DOCK4: variants seen among roughly 807,000 people sequenced by gnomAD.
DOCK4 encodes the protein dedicator of cytokinesis 4.
Under a neutral mutation model 268.1 loss-of-function variants are expected in DOCK4, and 97 were observed. That is an observed-to-expected ratio of 0.36 (90% CI 0.31 to 0.43). DOCK4 has a LOEUF of 0.43. Ranked by LOEUF, DOCK4 falls within the 20% of genes least tolerant of loss-of-function variation. The probability of loss-of-function intolerance (pLI) is 1.00; values close to 1 mark genes in which losing one functional copy is unlikely to be tolerated. For missense variants in DOCK4, 2,145 were observed against 2,455.7 expected, an observed-to-expected ratio of 0.87 and a Z score of 2.67; for synonymous variants, 954 against 887.2, an observed-to-expected ratio of 1.08 and a Z score of -1.34.
intron 16 of DOCK4, among the ~76,000 whole-genome samples, chr7:111,886,361 C>T (rs1374645650): frequency 2.6e-5 from 4 of 152,140 alleles, no homozygotes; most frequent in Admixed American, 6.6e-5. Context: ...ATTTGTCAGC[C>T]TTCCAGTTTA....
At chr7:111,737,728 C>T (rs184985737) in intron 49 of DOCK4, among the ~76,000 whole-genome samples, 209 of 152,250 alleles carry the variant, frequency 1.4e-3, no homozygotes, top group Non-Finnish European at 2.2e-3. Flanking sequence ...TATACTGCTT[C>T]CAATTTTACT....
chr7:111,772,964 A>G (rs1304520215), intron 36 of DOCK4, among the ~76,000 whole-genome samples: 1 of 152,218 alleles, frequency 6.6e-6, no homozygotes, highest in Non-Finnish European at 1.5e-5. Flanking sequence ...CTGGCAGGCA[A>G]TCAGATGAAA....
At chr7:112,009,528 C>G (rs1424564725) in intron 1 of DOCK4, among the ~76,000 whole-genome samples, 1 of 152,120 alleles carries the variant, frequency 6.6e-6, no homozygotes, top group Non-Finnish European at 1.5e-5. Context: ...TAGCAGTGTC[C>G]ATCAGAAGGC....
chr7:111,862,106 C>CT (rs1231010664), intron 23 of DOCK4, among the ~76,000 whole-genome samples: 1 of 152,022 alleles, frequency 6.6e-6, no homozygotes, highest in Non-Finnish European at 1.5e-5. Context: ...CGACAGCAGC[C>CT]TGAACAACAT....
chr7:112,193,681 G>A (rs1820171625), intron 1 of DOCK4, among the ~76,000 whole-genome samples: 1 of 151,686 alleles, frequency 6.6e-6, no homozygotes, highest in African/African-American at 2.4e-5. Context: ...AAATCACAGA[G>A]AGAGCCAACA....
At chr7:112,189,888 G>A (rs994794873) in intron 1 of DOCK4, among the ~76,000 whole-genome samples, 1 of 151,694 alleles carries the variant, frequency 6.6e-6, no homozygotes, top group Non-Finnish European at 1.5e-5. Flanking sequence ...GGCTTTCTGG[G>A]TTTTTTCAAT....
chr7:112,128,521 G>T lies in DOCK4; in HGVS notation c.37+77581C>A, dbSNP rs559878204. On this transcript the variant is annotated intron_variant, in intron 1 of 52. Transcript: ENST00000428084. ...GATTGAGAAATCGGATGGTTGCCGTGTCTGTGTAGAAAGAAGTAGACATGG... is the reference window on the plus strand; with the variant it reads ...GATTGAGAAATCGGATGGTTGCCGTTTCTGTGTAGAAAGAAGTAGACATGG... Among the ~76,000 whole-genome samples the T allele has an allele frequency of 1.3e-3, 196 of 152,358 alleles. 1 individual carries two copies. The highest frequency in any genetic ancestry group is 4.3e-3 in the African/African-American group (178 of 41,590).
At chr7:111,957,699 C>A (rs2134946187) in intron 8 of DOCK4, among the ~76,000 whole-genome samples, 1 of 152,138 alleles carries the variant, frequency 6.6e-6, no homozygotes, top group South Asian at 2.1e-4. Context: ...ATGATGTGTT[C>A]CCAGTGTCCA....
rs114818626 is a variant in DOCK4 at position 111,903,832 on chromosome 7, C to T, written c.1193-2031G>A. Among the ~76,000 whole-genome samples, 272 of 152,254 alleles carry T rather than the reference C, an allele frequency of 1.8e-3. 2 individuals are homozygous for T. The highest frequency in any genetic ancestry group is 6.4e-3 in the African/African-American group (266 of 41,536). ...TAGAGCAAAATATATTGGCTAAAAA[C>T]AGCAGAATTCTTTTGCTTCTTGGAG... On this transcript the variant is annotated intron_variant, in intron 13 of 52. Coordinates refer to ENST00000428084, the MANE Select transcript of DOCK4 (RefSeq NM_001363540.2).
intron 35 of DOCK4, 49 bp from the exon 36 acceptor site, chr7:111,778,418 A>G (rs756527160): frequency 6.5e-6 from 8 of 1,231,392 alleles, no homozygotes; most frequent in Non-Finnish European, 8.3e-6. Flanking sequence ...AATCTGGCCT[A>G]CAATTATCTG....
intron 30 of DOCK4, among the ~76,000 whole-genome samples, chr7:111,806,475 T>C (rs1800685398): frequency 6.6e-6 from 1 of 152,198 alleles, no homozygotes; most frequent in Non-Finnish European, 1.5e-5. Flanking sequence ...TGGGAAATAA[T>C]GCAGCAACCA....
At chr7:112,099,423 C>T (rs1486924578) in intron 1 of DOCK4, among the ~76,000 whole-genome samples, 1 of 151,978 alleles carries the variant, frequency 6.6e-6, no homozygotes, top group Non-Finnish European at 1.5e-5. Flanking sequence ...TCCTTATTCT[C>T]TTTAACAGAA....
chr7:112,163,994 C>T (rs1176128304), intron 1 of DOCK4, among the ~76,000 whole-genome samples: 1 of 152,200 alleles, frequency 6.6e-6, no homozygotes, highest in Non-Finnish European at 1.5e-5. Flanking sequence ...CACACAGACC[C>T]TATCTTGGCC....
At chr7:112,076,667 G>C (rs1490973182) in intron 1 of DOCK4, among the ~76,000 whole-genome samples, 3 of 152,076 alleles carry the variant, frequency 2.0e-5, no homozygotes, top group Non-Finnish European at 4.4e-5. Flanking sequence ...TTACAAATGA[G>C]TCCTAAATTC....
At chr7:111,802,748 T>C (rs1342607115) in intron 30 of DOCK4, among the ~76,000 whole-genome samples, 2 of 152,220 alleles carry the variant, frequency 1.3e-5, no homozygotes, top group Non-Finnish European at 1.5e-5. Flanking sequence ...CTTTTTAATA[T>C]GAAAAATTTC....
chr7:112,011,251 G>T (rs952299456), intron 1 of DOCK4, among the ~76,000 whole-genome samples: 1 of 152,104 alleles, frequency 6.6e-6, no homozygotes, highest in Non-Finnish European at 1.5e-5. Flanking sequence ...TTCCTTCCTC[G>T]TCACTGCACT....
At chr7:111,782,975 AAC>A (rs1798884282) in intron 34 of DOCK4, 51 bp from the exon 35 acceptor site, 4 of 1,502,024 alleles carry the variant, frequency 2.7e-6, no homozygotes, top group South Asian at 2.4e-5. Context: ...CCTAGGGGCA[AAC>A]ACAGTTTGTT....
At chr7:111,774,052 T>G (rs535433675) in intron 36 of DOCK4, among the ~76,000 whole-genome samples, 33 of 152,050 alleles carry the variant, frequency 2.2e-4, no homozygotes, top group African/African-American at 7.5e-4. Context: ...AAAATATTAC[T>G]GTCCTCAAGG....
chr7:111,988,485 T>C lies in DOCK4; in HGVS notation c.464+530A>G, dbSNP rs114418621. On this transcript the variant is annotated intron_variant, in intron 6 of 52. Coordinates refer to ENST00000428084, the MANE Select transcript of DOCK4 (RefSeq NM_001363540.2). Reference sequence around the variant, plus strand: ...ATCTCGGTCAAGAACAGCTTTTTACTGAGTTCTCTCAAGCAGCTCCTCAAA... The same window carrying C: ...ATCTCGGTCAAGAACAGCTTTTTACCGAGTTCTCTCAAGCAGCTCCTCAAA... Among the ~76,000 whole-genome samples the C allele has an allele frequency of 9.9e-3, 1,508 of 152,310 alleles. 19 individuals are homozygous for C. The highest frequency in any genetic ancestry group is 0.034 in the African/African-American group (1,426 of 41,560).
Sources: allele counts gnomAD v4.1 joint callset (sites outside exome capture counted in the v4.1 genomes callset), GRCh38; gene constraint gnomAD v4.1.1; transcripts MANE v1.5; gene names NCBI Gene and HGNC (gene_info 2026-07-23, HGNC 2026-07-21).